Variants in MYOM1 observed in about 807,000 individuals in gnomAD.
MYOM1 encodes myomesin 1.
In MYOM1, 164 loss-of-function variants were observed where a neutral mutation model predicts 205.3. That is an observed-to-expected ratio of 0.80 (90% CI 0.70 to 0.91). The LOEUF (loss-of-function observed/expected upper bound fraction) is 0.91, where lower values mean the gene tolerates loss of function less well. Among genes scored for constraint, MYOM1 ranks in the 40% least tolerant of loss-of-function variants. MYOM1 has a pLI of 0.00. For synonymous variants in MYOM1, 772 were observed against 789.4 expected, an observed-to-expected ratio of 0.98 and a Z score of 0.37; for missense variants, 2,011 against 2,127.3, an observed-to-expected ratio of 0.95 and a Z score of 1.08.
chr18:3,128,790 G>C (rs2079832322), intron 18 of MYOM1, among the ~76,000 whole-genome samples: 2 of 152,038 alleles, frequency 1.3e-5, no homozygotes, highest in African/African-American at 4.8e-5. Flanking sequence ...CTGAGGATGA[G>C]CAAGAAGGTA....
At chr18:3,125,887 G>A (rs1193618604) in intron 19 of MYOM1, among the ~76,000 whole-genome samples, 21 of 152,272 alleles carry the variant, frequency 1.4e-4, no homozygotes, top group Admixed American at 3.3e-4. Context: ...GCCATCAAGC[G>A]ACTATAACAA....
rs1372581691 is a variant in MYOM1, at chr18:3,189,697, C to T, written c.432-610G>A. 2.0e-5 allele frequency among the ~76,000 whole-genome samples: 3 copies of T among 152,142 alleles called. No homozygotes were observed. The highest frequency in any genetic ancestry group is 1.3e-4 in the Admixed American group (2 of 15,266). ...TATTTCTGTTTTAAATATATGGTAA[C>T]GAAGTTCAGATAAGTTAGATAACTT... On this transcript the variant is annotated intron_variant, in intron 3 of 37. Coordinates refer to ENST00000356443, the MANE Select transcript of MYOM1 (RefSeq NM_003803.4). This position sits in a 1 kb window ranked among gnomAD's most constrained non-coding sequence, Gnocchi z 4.8.
intron 2 of MYOM1, among the ~76,000 whole-genome samples, chr18:3,198,460 T>C (rs1011074152): frequency 6.6e-6 from 1 of 152,188 alleles, no homozygotes; most frequent in Non-Finnish European, 1.5e-5. Flanking sequence ...GTGCCTGACA[T>C]AATTCAATAA....
intron 22 of MYOM1, among the ~76,000 whole-genome samples, chr18:3,104,366 T>C (rs1375045109): frequency 1.3e-5 from 2 of 152,216 alleles, no homozygotes; most frequent in Non-Finnish European, 2.9e-5. Flanking sequence ...TTTGGAAGCA[T>C]GACAGATTGC....
At chr18:3,155,173 ACAT>A in intron 10 of MYOM1, 85 bp from the exon 11 acceptor site, 5 of 1,329,840 alleles carry the variant, frequency 3.8e-6, no homozygotes, top group Non-Finnish European at 4.0e-6. Context: ...GCTTCTTACC[ACAT>A]CATCACAGTG....
rs143780713 is a variant in MYOM1, at chr18:3,068,383, T to C, written c.4765-828A>G. 5.1e-3 allele frequency among the ~76,000 whole-genome samples: 776 copies of C among 152,206 alleles called. 6 individuals are homozygous for C. Among genetic ancestry groups the C allele is most frequent in the African/African-American group, 0.018 (738 of 41,548 alleles). ...GAATGTCATAACCAGTATATTGACA[T>C]TGATGCAATCCACCGACCTTATTTA... On this transcript the variant is annotated intron_variant, in intron 37 of 37. Transcript: ENST00000356443.
chr18:3,200,588 TAAC>T (rs1264032737), intron 2 of MYOM1, among the ~76,000 whole-genome samples: 1 of 152,094 alleles, frequency 6.6e-6, no homozygotes, highest in African/African-American at 2.4e-5. Flanking sequence ...AAAAGTACGA[TAAC>T]AAATGAAAAT....
At chr18:3,093,432 AAAAGG>A (rs1308736846) in intron 26 of MYOM1, 2 of 152,360 alleles carry the variant, frequency 1.3e-5, no homozygotes, top group African/African-American at 2.4e-5. Flanking sequence ...TGTTTATGTT[AAAAGG>A]AAAGGAAAGA....
In MYOM1 at chr18:3,116,278, C is replaced by T. The variant is rs898236572; in HGVS notation, c.3303+53G>A. The T allele has an allele frequency of 2.5e-5, 39 of 1,546,214 alleles. No homozygotes were observed. The Middle Eastern group carries it at 6.9e-4, about 27-fold the overall frequency. ...GTTTTATCTTGCTAACTTTAAAGTT[C>T]GTATTAGTAGAGCAGTTAGTAGAGG... On this transcript the variant is annotated intron_variant, in intron 21 of 37. Coordinates refer to ENST00000356443, the MANE Select transcript of MYOM1 (RefSeq NM_003803.4).
chr18:3,234,215 T>C, the MYOM1 span, among the ~76,000 whole-genome samples: 1 of 152,252 alleles, frequency 6.6e-6, no homozygotes. Context: ...TTTATTATTA[T>C]TGTTAAAAGT....
At chr18:3,171,959 C>A (rs1218567685) in intron 8 of MYOM1, among the ~76,000 whole-genome samples, 1 of 152,126 alleles carries the variant, frequency 6.6e-6, no homozygotes, top group East Asian at 1.9e-4. Context: ...TTAAAAAGAC[C>A]AGGTTACACA....
chr18:3,168,941 G>C lies in MYOM1; in HGVS notation c.1215C>G (p.Ile405Met). 6.2e-7 allele frequency: 1 copy of C among 1,613,578 alleles called. No homozygotes were observed. Among genetic ancestry groups the C allele is most frequent in the Non-Finnish European group, 8.5e-7 (1 of 1,179,754 alleles). The change falls in exon 9 of 38, where the codon ATC becomes ATG. Residue 405 changes from isoleucine to methionine, a missense_variant. Ile to Met is a conservative substitution (Grantham distance 10). Coordinates refer to ENST00000356443, the MANE Select transcript of MYOM1 (RefSeq NM_003803.4). Reference protein sequence around the residue: ...TPYGYASRFEIHFDDKFDVSF... With the variant: ...TPYGYASRFEMHFDDKFDVSF... ...ACACATCAAATTTGTCATCAAAGTGGATCTCAAACCGGGATGCATAACCAT... is the reference window on the plus strand; with the variant it reads ...ACACATCAAATTTGTCATCAAAGTGCATCTCAAACCGGGATGCATAACCAT...
At chr18:3,129,080 G>C (rs1419340829) in intron 18 of MYOM1, among the ~76,000 whole-genome samples, 152 bp downstream of exon 18, 1 of 152,174 alleles carries the variant, frequency 6.6e-6, no homozygotes, top group East Asian at 1.9e-4. Flanking sequence ...GTCATCAGAT[G>C]AAAGTACACA....
chr18:3,067,365 T>C lies in MYOM1; in HGVS notation c.4955A>G (p.Tyr1652Cys). ...GGTGAAGTCGCTGGTCTCCGAGCCA[T>C]ACTTGTTCTTCACAACCAGCCCGTA... ...GKYGLVVKNK[Y>C]GSETSDFTVS... The change falls in exon 38 of 38, where the codon TAT (tyrosine) becomes TGT (cysteine). Residue 1652 changes from tyrosine (Y) to cysteine (C), a missense_variant. Coordinates refer to ENST00000356443, the MANE Select transcript of MYOM1 (RefSeq NM_003803.4). 9 of 1,612,838 alleles carry C rather than the reference T, an allele frequency of 5.6e-6. No individual in the cohort carries two copies. Among genetic ancestry groups the C allele is most frequent in the Non-Finnish European group, 7.6e-6 (9 of 1,179,894 alleles).
Position 3,111,669 on chromosome 18 carries a change from G to A in MYOM1, c.3418+629C>T, listed in dbSNP as rs550100024. Among the ~76,000 whole-genome samples, 6 of 152,158 alleles carry A rather than the reference G, an allele frequency of 3.9e-5. No individual in the cohort carries two copies. In the South Asian group the frequency reaches 8.3e-4, roughly 21 times the overall value. ...ATTGAAATTTTATAATGCATATAAC[G>A]CATCACATTATATAATACATATAAT... On this transcript the variant is annotated intron_variant, in intron 22 of 37. Coordinates refer to ENST00000356443, the MANE Select transcript of MYOM1 (RefSeq NM_003803.4).
chr18:3,116,451 C>T lies in MYOM1; in HGVS notation c.3183G>A (p.Pro1061=), dbSNP rs374873325. The T allele has an allele frequency of 6.4e-5, 103 of 1,611,874 alleles. No individual in the cohort carries two copies. The African/African-American group carries it at 8.1e-4, about 13-fold the overall frequency. The change falls in exon 21 of 38, where the codon CCG becomes CCA. Residue 1061 remains proline (P), a synonymous_variant. Transcript: ENST00000356443. ...RKDSLVLQWK[P]PVHSGRTPVT... ...CCGGAGTCCGCCCGGAGTGGACTGG[C>T]GGCTTCCACTGGAGAACCAGTGAGT... is the stretch of plus-strand genomic sequence containing the variant.
chr18:3,110,727 G>T (rs947130813), intron 22 of MYOM1, among the ~76,000 whole-genome samples: 4 of 109,802 alleles, frequency 3.6e-5, no homozygotes, highest in Non-Finnish European at 7.1e-5. Context: ...CAGCCTAAGA[G>T]ATTCTTTTTT....
chr18:3,084,544 A>T (rs924509995), intron 31 of MYOM1, among the ~76,000 whole-genome samples: 2 of 152,314 alleles, frequency 1.3e-5, no homozygotes, highest in South Asian at 2.1e-4. Context: ...TGTTTTAAAA[A>T]TCTTGTTCAG....
intron 22 of MYOM1, among the ~76,000 whole-genome samples, chr18:3,107,884 T>C (rs906282773): frequency 1.2e-4 from 18 of 152,204 alleles, no homozygotes; most frequent in African/African-American, 4.3e-4. Flanking sequence ...AAACCACTAA[T>C]GGGAGGTTAC....
Sources: allele counts gnomAD v4.1 joint callset (sites outside exome capture counted in the v4.1 genomes callset), GRCh38; gene constraint gnomAD v4.1.1; non-coding constraint Gnocchi (gnomAD v3.1); transcripts MANE v1.5; gene names NCBI Gene and HGNC (gene_info 2026-07-23, HGNC 2026-07-21).